The following VPS8 variants were observed in gnomAD, a reference collection of about 807,000 sequenced individuals.
The protein encoded by VPS8 is VPS8 subunit of CORVET complex.
A neutral mutation model predicts 216.4 loss-of-function variants in VPS8; 129 were observed. The ratio of observed to expected loss-of-function variants is 0.60; its 90% CI spans 0.52 to 0.69. VPS8 has a LOEUF of 0.69. VPS8 is among the 30% of genes least tolerant of loss of function. The pLI, the probability that VPS8 is intolerant of heterozygous loss-of-function variation, is 0.00. For missense variants in VPS8, 1,531 were observed against 1,683.5 expected, an observed-to-expected ratio of 0.91 and a Z score of 1.59; for synonymous variants, 571 against 565.4, an observed-to-expected ratio of 1.01 and a Z score of -0.14.
intron 46 of VPS8, among the ~76,000 whole-genome samples, chr3:185,038,291 A>G (rs1759176271): frequency 6.6e-6 from 1 of 152,226 alleles, no homozygotes; most frequent in South Asian, 2.1e-4. Flanking sequence ...TTCTCTGACC[A>G]TACCACACTG....
At chr3:184,943,109 G>A (rs1188550274) in intron 36 of VPS8, among the ~76,000 whole-genome samples, 1 of 152,126 alleles carries the variant, frequency 6.6e-6, no homozygotes, top group Non-Finnish European at 1.5e-5. Context: ...TGCATTATAG[G>A]CACACTCAGA....
chr3:184,910,847 C>G (rs930326476), intron 25 of VPS8, among the ~76,000 whole-genome samples: 1 of 152,178 alleles, frequency 6.6e-6, no homozygotes, highest in African/African-American at 2.4e-5. Context: ...GGCTGAAGTC[C>G]TCACCAGTTC....
intron 46 of VPS8, among the ~76,000 whole-genome samples, chr3:185,035,819 A>G (rs1403375186): frequency 6.6e-6 from 1 of 152,206 alleles, no homozygotes; most frequent in African/African-American, 2.4e-5. Flanking sequence ...TAGTCAAACT[A>G]TCTTTCTTCA....
intron 6 of VPS8, chr3:184,839,006 A>T (rs1577823421): frequency 5.6e-6 from 2 of 354,470 alleles, no homozygotes; most frequent in Non-Finnish European, 1.0e-5. Flanking sequence ...TGTTTGTAGT[A>T]CTACCCTGCC....
chr3:185,018,643 T>G (rs571130200), intron 45 of VPS8, among the ~76,000 whole-genome samples: 3 of 152,348 alleles, frequency 2.0e-5, no homozygotes, highest in African/African-American at 7.2e-5. Flanking sequence ...AACAGCAACC[T>G]TCTTTAACAG....
chr3:184,956,289 T>C (rs1745585902), intron 36 of VPS8, among the ~76,000 whole-genome samples: 1 of 152,212 alleles, frequency 6.6e-6, no homozygotes, highest in South Asian at 2.1e-4. Flanking sequence ...TGTACATGGT[T>C]ACAAGTGTGC....
At chr3:185,048,349 T>C (rs1713405139) in intron 46 of VPS8, 130 bp from the exon 47 acceptor site, 1 of 855,574 alleles carries the variant, frequency 1.2e-6, no homozygotes, top group Admixed American at 2.3e-5. Flanking sequence ...ATCTCACTAA[T>C]AGCTGGTAGC....
chr3:184,822,538 TTA>T (rs1717830256), intron 1 of VPS8, among the ~76,000 whole-genome samples: 1 of 152,230 alleles, frequency 6.6e-6, no homozygotes, highest in South Asian at 2.1e-4. Flanking sequence ...ATTAAATCAG[TTA>T]AATATTATTT....
At chr3:185,017,608 T>C (rs1755990054) in intron 45 of VPS8, among the ~76,000 whole-genome samples, 1 of 152,194 alleles carries the variant, frequency 6.6e-6, no homozygotes, top group Non-Finnish European at 1.5e-5. Context: ...TGCACTCCTT[T>C]TAAATTTAAA....
chr3:184,982,415 C>A, intron 40 of VPS8, 151 bp from the exon 41 acceptor site: 6 of 544,784 alleles, frequency 1.1e-5, no homozygotes, highest in Non-Finnish European at 1.6e-5. Context: ...CCAAATATTT[C>A]CATTTTTATT....
intron 34 of VPS8, 127 bp downstream of exon 34, chr3:184,930,695 G>T (rs1480268224): frequency 1.5e-6 from 1 of 649,428 alleles, no homozygotes; most frequent in African/African-American, 1.8e-5. Context: ...AATCTTTTTC[G>T]TGTAATTATT....
At chr3:184,994,415 C>T (rs1413554006) in intron 43 of VPS8, among the ~76,000 whole-genome samples, 1 of 151,550 alleles carries the variant, frequency 6.6e-6, no homozygotes, top group East Asian at 1.9e-4. Context: ...CAATTGAGCC[C>T]AGGAGTTGGA....
intron 3 of VPS8, among the ~76,000 whole-genome samples, chr3:184,827,155 G>A (rs1395317417): frequency 1.3e-5 from 2 of 152,204 alleles, no homozygotes; most frequent in Non-Finnish European, 2.9e-5. Flanking sequence ...CCAAAGCTCC[G>A]AGTGAGTTGG....
At chr3:185,017,803 G>T (rs1046748891) in intron 45 of VPS8, among the ~76,000 whole-genome samples, 2 of 152,074 alleles carry the variant, frequency 1.3e-5, no homozygotes, top group Non-Finnish European at 2.9e-5. Flanking sequence ...GGCCTGAGCC[G>T]GAAAGGTCCC....
At chr3:184,940,291 A>G in intron 36 of VPS8, 48 bp downstream of exon 36, 1 of 441,702 alleles carries the variant, frequency 2.3e-6, no homozygotes, top group Non-Finnish European at 3.1e-6. Flanking sequence ...TATATATATG[A>G]GAAATAAAAG....
In VPS8 at chr3:184,816,505, T is replaced by C. The variant is rs141667522; in HGVS notation, c.-89+4280T>C. ...GGTTGGGCTTTTTCGTCGTGGCAGT[T>C]CTGGCACTGTGAGCTACAATTACCT... On this transcript the variant is annotated intron_variant, in intron 1 of 47. Coordinates refer to ENST00000625842, the MANE Select transcript of VPS8 (RefSeq NM_001009921.3). 6.1e-3 allele frequency among the ~76,000 whole-genome samples: 929 copies of C among 152,324 alleles called. 12 individuals are homozygous for C. Among genetic ancestry groups the C allele is most frequent in the African/African-American group, 0.02 (846 of 41,556 alleles).
intron 40 of VPS8, among the ~76,000 whole-genome samples, chr3:184,975,028 T>G (rs1386819813): frequency 6.6e-6 from 1 of 152,162 alleles, no homozygotes; most frequent in Non-Finnish European, 1.5e-5. Context: ...CAGGATTGCT[T>G]TTGCCATTCG....
intron 46 of VPS8, among the ~76,000 whole-genome samples, chr3:185,031,067 T>G (rs1478011124): frequency 1.5e-5 from 2 of 136,512 alleles, no homozygotes; most frequent in Admixed American, 7.1e-5. Flanking sequence ...GTTGGCGTTT[T>G]TTTTTTTTTT....
chr3:184,866,828 A>G, intron 16 of VPS8, 48 bp from the exon 17 acceptor site: 1 of 1,552,484 alleles, frequency 6.4e-7, no homozygotes. Context: ...AATATATTAA[A>G]TACAAAGGAA....
Sources: gnomAD v4.1 joint callset for allele counts (sites outside exome capture counted in the v4.1 genomes callset) on GRCh38, gnomAD v4.1.1 for gene constraint, MANE v1.5 for transcripts, NCBI Gene and HGNC (gene_info 2026-07-23, HGNC 2026-07-21) for gene names.